Variants in PRIM2 observed in about 807,000 individuals in gnomAD.
PRIM2 encodes DNA primase large subunit.
PRIM2 carries 39 observed loss-of-function variants against 67.3 expected under a neutral mutation model. The ratio of observed to expected loss-of-function variants is 0.58; its 90% CI spans 0.45 to 0.76. PRIM2 has a LOEUF of 0.76. PRIM2 is among the 30% of genes least tolerant of loss of function. The pLI, the probability that PRIM2 is intolerant of heterozygous loss-of-function variation, is 0.00. For synonymous variants in PRIM2, 143 were observed against 198.7 expected (o/e 0.72, Z 2.36); for missense variants, 398 against 598.7 (o/e 0.66, Z 3.50).
intron 11 of PRIM2, among the ~76,000 whole-genome samples, chr6:57,604,723 C>G (rs1181863873): frequency 1.3e-5 from 2 of 150,788 alleles, no homozygotes; most frequent in Non-Finnish European, 2.9e-5. Flanking sequence ...CAGAGTCTCA[C>G]TCTGTTTCCC....
intron 12 of PRIM2, among the ~76,000 whole-genome samples, chr6:57,617,289 GAGGAC>G (rs1776772642): frequency 6.6e-6 from 1 of 152,046 alleles, no homozygotes; most frequent in East Asian, 1.9e-4. Context: ...CTCTTTTTAG[GAGGAC>G]ACCAGTAATA....
the PRIM2 span, among the ~76,000 whole-genome samples, chr6:57,258,920 T>C: frequency 6.6e-6 from 1 of 152,198 alleles, no homozygotes; most frequent in Non-Finnish European, 1.5e-5. Flanking sequence ...TATCCTTTGC[T>C]ATTTCCCTTT....
At chr6:57,229,315 C>G in the PRIM2 span, among the ~76,000 whole-genome samples, 2 of 152,052 alleles carry the variant, frequency 1.3e-5, no homozygotes, top group African/African-American at 4.8e-5. Flanking sequence ...AATTTCTTCT[C>G]CATCTATTTC....
chr6:57,486,040 C>T (rs1190608268), intron 7 of PRIM2, among the ~76,000 whole-genome samples: 28 of 152,152 alleles, frequency 1.8e-4, no homozygotes, highest in Middle Eastern at 3.4e-3. Flanking sequence ...AGGTGTTTGG[C>T]AGAGAGAGGT....
rs1257251908 is a variant in PRIM2 at position 57,523,961 on chromosome 6, A to T, written c.762-8450A>T. Among the ~76,000 whole-genome samples, 759 of 152,068 alleles carry T rather than the reference A, an allele frequency of 5.0e-3. 9 individuals carry two copies. The highest frequency in any genetic ancestry group is 0.017 in the African/African-American group (719 of 41,476). ...TCACAGATCAGATGTGTGCAGATGTATCTGTTTCAGATTTATCCTTTTATA... is the reference window on the plus strand; with the variant it reads ...TCACAGATCAGATGTGTGCAGATGTTTCTGTTTCAGATTTATCCTTTTATA... On this transcript the variant is annotated intron_variant, in intron 8 of 13. Coordinates refer to ENST00000615550, the MANE Select transcript of PRIM2 (RefSeq NM_000947.5).
chr6:57,580,680 G>A (rs1228678524), intron 10 of PRIM2, among the ~76,000 whole-genome samples: 1 of 152,208 alleles, frequency 6.6e-6, no homozygotes, highest in Admixed American at 6.5e-5. Context: ...ACTGAGAAGA[G>A]AGGTCAAAGA....
intron 10 of PRIM2, among the ~76,000 whole-genome samples, chr6:57,539,784 A>T (rs1439795147): frequency 6.6e-6 from 1 of 151,994 alleles, no homozygotes; most frequent in Non-Finnish European, 1.5e-5. Context: ...GCCTGAGGTC[A>T]GGAGTTCAAG....
intron 12 of PRIM2, among the ~76,000 whole-genome samples, chr6:57,615,797 A>G (rs1776746049): frequency 6.6e-6 from 1 of 152,160 alleles, no homozygotes; most frequent in Non-Finnish European, 1.5e-5. Flanking sequence ...GGGAGGCTGA[A>G]GCAGGAAGCT....
chr6:57,536,926 A>T lies in PRIM2; in HGVS notation c.835-514A>T, dbSNP rs1160229665. ...TTCTGCATGTTGACTGTGGTGGTGG[A>T]TGTATGAACCTACATGTGACAAAAC... On this transcript the variant is annotated intron_variant, in intron 9 of 13. Transcript: ENST00000615550. 6.8e-3 allele frequency among the ~76,000 whole-genome samples: 1,003 copies of T among 148,112 alleles called. 4 individuals are homozygous for T. The highest frequency in any genetic ancestry group is 8.1e-3 in the Non-Finnish European group (546 of 67,320).
At chr6:57,525,356 G>A (rs1311691441) in intron 8 of PRIM2, among the ~76,000 whole-genome samples, 25 of 152,116 alleles carry the variant, frequency 1.6e-4, no homozygotes, top group Non-Finnish European at 3.1e-4. Flanking sequence ...AACTACAAAT[G>A]ATAAAAATAT....
In PRIM2 at chr6:57,382,356, G is replaced by A. The variant is rs1769993257; in HGVS notation, c.693+188G>A. ...TTTTTATTTGTTACTATCCATAGTTGGTTTTTAAGTTTTTTTTCTTGATCC... is the reference window on the plus strand; with the variant it reads ...TTTTTATTTGTTACTATCCATAGTTAGTTTTTAAGTTTTTTTTCTTGATCC... On this transcript the variant is annotated intron_variant, in intron 7 of 13. Coordinates refer to ENST00000615550, the MANE Select transcript of PRIM2 (RefSeq NM_000947.5). 6.2e-5 allele frequency: 38 copies of A among 612,542 alleles called. No homozygotes were observed. The Admixed American group carries it at 1.2e-3, about 19-fold the overall frequency. 37.9% of individuals were successfully genotyped at this position (612,542 alleles called of 1,614,324 possible).
At chr6:57,304,751 C>G in the PRIM2 span, among the ~76,000 whole-genome samples, 75 of 152,204 alleles carry the variant, frequency 4.9e-4, 1 homozygote, top group South Asian at 0.014. Context: ...GGTGAGATGC[C>G]TAGGTGAGAA....
At chr6:57,333,461 T>C (rs1768123376) in intron 5 of PRIM2, among the ~76,000 whole-genome samples, 1 of 152,228 alleles carries the variant, frequency 6.6e-6, no homozygotes, top group South Asian at 2.1e-4. Context: ...CTCTCTTGTG[T>C]AGTGAACTTT....
At chr6:57,309,524 T>C in the PRIM2 span, among the ~76,000 whole-genome samples, 1 of 152,208 alleles carries the variant, frequency 6.6e-6, no homozygotes, top group African/African-American at 2.4e-5. Flanking sequence ...CCACATTTTC[T>C]TAATCCAGTC....
chr6:57,314,472 T>C (rs573464101), upstream of PRIM2, among the ~76,000 whole-genome samples: 4 of 152,370 alleles, frequency 2.6e-5, no homozygotes, highest in East Asian at 7.7e-4. Flanking sequence ...GCCGAGATCA[T>C]GCTACTGCAC....
the PRIM2 span, among the ~76,000 whole-genome samples, chr6:57,249,774 G>A: frequency 3.3e-5 from 5 of 152,022 alleles, no homozygotes; most frequent in Non-Finnish European, 7.4e-5. Flanking sequence ...GAATACCTAT[G>A]CTAACGTGCT....
chr6:57,635,742 CAGTT>C (rs1364104286), intron 13 of PRIM2, among the ~76,000 whole-genome samples: 2 of 152,122 alleles, frequency 1.3e-5, no homozygotes, highest in Non-Finnish European at 2.9e-5. Context: ...TTATGGATAT[CAGTT>C]AGAATGCTGG....
intron 7 of PRIM2, among the ~76,000 whole-genome samples, chr6:57,414,200 T>G (rs1325578742): frequency 6.6e-6 from 1 of 152,100 alleles, no homozygotes; most frequent in Non-Finnish European, 1.5e-5. Context: ...TATCATAATA[T>G]AGAATGTTAA....
the PRIM2 span, among the ~76,000 whole-genome samples, chr6:57,248,685 C>T: frequency 2.0e-5 from 3 of 152,148 alleles, no homozygotes; most frequent in Admixed American, 2.0e-4. Context: ...GGCCTGCAAC[C>T]AGTCTGATCC....
Sources: allele counts gnomAD v4.1 joint callset (sites outside exome capture counted in the v4.1 genomes callset), GRCh38; gene constraint gnomAD v4.1.1; transcripts MANE v1.5; gene names NCBI Gene and HGNC (gene_info 2026-07-23, HGNC 2026-07-21).